The following NAPA variants were observed in gnomAD, a reference collection of about 807,000 sequenced individuals.
NAPA encodes NSF attachment protein alpha, also known as alpha-soluble NSF attachment protein.
Under a neutral mutation model 48.0 loss-of-function variants are expected in NAPA, and 18 were observed. That is an observed-to-expected ratio of 0.38 (90% CI 0.26 to 0.56). The LOEUF is 0.56. Among genes scored for constraint, NAPA ranks in the 20% least tolerant of loss-of-function variants. NAPA has a pLI of 0.77. For missense variants in NAPA, 315 were observed against 385.0 expected (o/e 0.82, Z 1.52); for synonymous variants, 152 against 149.9 (o/e 1.01, Z -0.10).
At chr19:47,495,518 C>CG in intron 4 of NAPA, 32 bp downstream of exon 4, 1 of 1,611,618 alleles carries the variant, frequency 6.2e-7, no homozygotes, top group Non-Finnish European at 8.5e-7. Flanking sequence ...CAGTGGGACC[C>CG]GGGGGTGTCA....
At chr19:47,485,869 G>C (rs900527792), downstream of NAPA, among the ~76,000 whole-genome samples, 2 of 152,224 alleles carry the variant, frequency 1.3e-5, no homozygotes, top group Non-Finnish European at 2.9e-5. Flanking sequence ...TATTCGCTGA[G>C]GGAGTGGCAC....
Position 47,488,471 on chromosome 19 carries a change from T to C in NAPA, c.787-82A>G, listed in dbSNP as rs1194482363. ...CCCAAGGGCACTTGTCCCAAGGTTTTCAAGATCTGTCTCTGTCACCCCTGG... is the reference window on the plus strand; with the variant it reads ...CCCAAGGGCACTTGTCCCAAGGTTTCCAAGATCTGTCTCTGTCACCCCTGG... On this transcript the variant is annotated intron_variant, in intron 10 of 10. Coordinates refer to ENST00000263354, the MANE Select transcript of NAPA (RefSeq NM_003827.4). 4 of 1,089,958 alleles carry C rather than the reference T, an allele frequency of 3.7e-6. No individual in the cohort carries two copies. In the Admixed American group the frequency reaches 8.0e-5, roughly 22 times the overall value. 67.5% of individuals were successfully genotyped at this position (1,089,958 alleles called of 1,614,324 possible).
intron 3 of NAPA, among the ~76,000 whole-genome samples, chr19:47,498,250 C>T (rs1017355945): frequency 1.3e-5 from 2 of 152,096 alleles, no homozygotes; most frequent in African/African-American, 4.8e-5. Context: ...CCCAGGGTAC[C>T]GGCCACCTGC....
intron 9 of NAPA, among the ~76,000 whole-genome samples, chr19:47,490,008 T>TGTGTGTGTGTGGGTATGGGGG (rs1391186748): frequency 1.5e-4 from 22 of 151,632 alleles, no homozygotes; most frequent in Non-Finnish European, 2.4e-4. Flanking sequence ...ACACAGAATG[T>TGTGTGTGTGTGGGTATGGGGG]GTGTGTGTGT....
At chr19:47,509,233 T>A (rs1011527554) in intron 1 of NAPA, among the ~76,000 whole-genome samples, 3 of 151,014 alleles carry the variant, frequency 2.0e-5, no homozygotes, top group African/African-American at 7.3e-5. Context: ...AGAAATACGC[T>A]CAAAGGGGTG....
chr19:47,486,854 T>C (rs1968090242), downstream of NAPA, among the ~76,000 whole-genome samples: 1 of 152,234 alleles, frequency 6.6e-6, no homozygotes, highest in Non-Finnish European at 1.5e-5. Context: ...TGCACTTCTC[T>C]AGGCTTTCTG....
downstream of NAPA, among the ~76,000 whole-genome samples, chr19:47,484,729 G>A (rs1314330787): frequency 2.3e-5 from 3 of 131,110 alleles, no homozygotes; most frequent in African/African-American, 6.0e-5. Flanking sequence ...TTTTTTTTGA[G>A]ACGGAGTCTT....
intron 1 of NAPA, among the ~76,000 whole-genome samples, chr19:47,509,682 G>A (rs567378313): frequency 2.0e-5 from 3 of 152,244 alleles, no homozygotes; most frequent in South Asian, 2.1e-4. Context: ...CTCCTCCTTC[G>A]GCTTCCAGAG....
chr19:47,511,295 A>G (rs538880924), intron 1 of NAPA, among the ~76,000 whole-genome samples: 1 of 152,274 alleles, frequency 6.6e-6, no homozygotes, highest in Admixed American at 6.5e-5. Flanking sequence ...CCGCCCGCCA[A>G]GCAGGTCCTC....
At chr19:47,504,755 T>A (rs1355897587) in intron 1 of NAPA, among the ~76,000 whole-genome samples, 1 of 151,986 alleles carries the variant, frequency 6.6e-6, no homozygotes, top group Non-Finnish European at 1.5e-5. Context: ...ACACACATAT[T>A]TTTAAGTATT....
chr19:47,496,685 G>C, intron 3 of NAPA: 1 of 288,344 alleles, frequency 3.5e-6, no homozygotes, highest in Non-Finnish European at 7.1e-6. Context: ...ACCAAGAAGC[G>C]CCGGGGCTGG....
At chr19:47,501,264 G>C (rs181662192) in intron 2 of NAPA, among the ~76,000 whole-genome samples, 1 of 152,306 alleles carries the variant, frequency 6.6e-6, no homozygotes, top group East Asian at 1.9e-4. Context: ...AGAAGGCAAA[G>C]TACAGGCTGA....
At chr19:47,513,577 T>C (rs1405063718) in intron 1 of NAPA, among the ~76,000 whole-genome samples, 1 of 152,180 alleles carries the variant, frequency 6.6e-6, no homozygotes, top group Non-Finnish European at 1.5e-5. Context: ...TGTCAGCTTT[T>C]AGGAGCTAAC....
intron 7 of NAPA, 69 bp from the exon 8 acceptor site, chr19:47,492,188 G>T: frequency 7.3e-7 from 1 of 1,361,062 alleles, no homozygotes; most frequent in Non-Finnish European, 1.0e-6. Context: ...CCACTGCCAG[G>T]CACTGGGGGG....
chr19:47,495,336 G>C (rs2122740289), intron 4 of NAPA: 1 of 614,480 alleles, frequency 1.6e-6, no homozygotes, highest in Non-Finnish European at 2.9e-6. Flanking sequence ...ACTGCCTGTG[G>C]AGTGAGGGGG....
At chr19:47,496,845 G>C (rs761213678) in intron 3 of NAPA, 1 of 456,190 alleles carries the variant, frequency 2.2e-6, no homozygotes, top group South Asian at 1.5e-5. Context: ...GGGTCCATAA[G>C]CACTCCTCTG....
chr19:47,508,044 G>C (rs2122774886), intron 1 of NAPA, among the ~76,000 whole-genome samples: 1 of 152,170 alleles, frequency 6.6e-6, no homozygotes, highest in African/African-American at 2.4e-5. Flanking sequence ...GATTAAAGAA[G>C]CCAGGGAGCC....
chr19:47,489,676 G>A (rs778626787), intron 10 of NAPA, 35 bp downstream of exon 10: 7 of 1,612,234 alleles, frequency 4.3e-6, no homozygotes, highest in Non-Finnish European at 5.1e-6. Context: ...ACCCATCCCC[G>A]TGAAGGGGCC....
At chr19:47,491,098 A>G (rs932840762) in intron 8 of NAPA, 3 of 444,272 alleles carry the variant, frequency 6.8e-6, no homozygotes, top group Non-Finnish European at 1.2e-5. Flanking sequence ...GGTTCCCCAG[A>G]TAGGCACCCA....
Sources: gnomAD v4.1 joint callset for allele counts (sites outside exome capture counted in the v4.1 genomes callset) on GRCh38, gnomAD v4.1.1 for gene constraint, MANE v1.5 for transcripts, NCBI Gene and HGNC (gene_info 2026-07-23, HGNC 2026-07-21) for gene names.